Variants in CPSF7 observed in about 807,000 individuals in gnomAD.
The protein encoded by CPSF7 is cleavage and polyadenylation specificity factor subunit 7.
CPSF7 carries 1 observed loss-of-function variant against 44.3 expected under a neutral mutation model. The ratio of observed to expected loss-of-function variants is 0.02; its 90% CI spans 0.01 to 0.11. The LOEUF (loss-of-function observed/expected upper bound fraction) is 0.11, where lower values mean the gene tolerates loss of function less well. Among genes scored for constraint, CPSF7 ranks in the 10% least tolerant of loss-of-function variants. The pLI, the probability that CPSF7 is intolerant of heterozygous loss-of-function variation, is 1.00. For missense variants in CPSF7, 443 were observed against 607.2 expected, an observed-to-expected ratio of 0.73 and a Z score of 2.84; for synonymous variants, 202 against 222.0, an observed-to-expected ratio of 0.91 and a Z score of 0.80.
intron 7 of CPSF7, among the ~76,000 whole-genome samples, chr11:61,412,390 C>A (rs562756002): frequency 6.6e-6 from 1 of 151,664 alleles, no homozygotes; most frequent in African/African-American, 2.4e-5. Flanking sequence ...CCCAGGTTCA[C>A]GCCATCCTCC....
intron 7 of CPSF7, among the ~76,000 whole-genome samples, chr11:61,412,397 C>A (rs1859935605): frequency 6.6e-6 from 1 of 151,994 alleles, no homozygotes; most frequent in African/African-American, 2.4e-5. Context: ...TCACGCCATC[C>A]TCCTGCCTCA....
chr11:61,415,875 G>A, intron 6 of CPSF7, 91 bp from the exon 7 acceptor site: 1 of 1,016,338 alleles, frequency 9.8e-7, no homozygotes, highest in South Asian at 1.4e-5. Context: ...GCATAACACA[G>A]AACAATGCTA....
intron 7 of CPSF7, among the ~76,000 whole-genome samples, chr11:61,415,102 G>C (rs1209694426): frequency 6.6e-6 from 1 of 152,180 alleles, no homozygotes; most frequent in African/African-American, 2.4e-5. Flanking sequence ...GCCGGGCGTG[G>C]TGGCAAGTGC....
intron 7 of CPSF7, 112 bp from the exon 8 acceptor site, chr11:61,412,049 A>C: frequency 1.2e-6 from 1 of 862,434 alleles, no homozygotes; most frequent in African/African-American, 1.7e-5. Flanking sequence ...GTCCCAAACA[A>C]CCGCGGTAAA....
intron 2 of CPSF7, chr11:61,427,025 T>TC: frequency 9.4e-5 from 2 of 21,200 alleles, no homozygotes; most frequent in Non-Finnish European, 1.5e-4. Context: ...AGACTCTGTC[T>TC]CAAAAAAAAA....
At chr11:61,409,784 G>C (rs1395194626) in intron 9 of CPSF7, among the ~76,000 whole-genome samples, 1 of 151,876 alleles carries the variant, frequency 6.6e-6, no homozygotes, top group Non-Finnish European at 1.5e-5. Flanking sequence ...GGCCAACCTG[G>C]CCAGTATGGT....
intron 3 of CPSF7, 114 bp from the exon 4 acceptor site, chr11:61,420,687 G>T: frequency 1.3e-6 from 1 of 766,290 alleles, no homozygotes; most frequent in Non-Finnish European, 2.2e-6. Context: ...AAACTCAAAA[G>T]CCTGGCAATA....
At chr11:61,417,652 G>A (rs1860465014) in intron 5 of CPSF7, among the ~76,000 whole-genome samples, 1 of 152,210 alleles carries the variant, frequency 6.6e-6, no homozygotes, top group South Asian at 2.1e-4. Context: ...TGCCAGTGCT[G>A]TCTTGTTCTT....
chr11:61,414,812 T>C (rs1292715633), intron 7 of CPSF7, among the ~76,000 whole-genome samples: 6 of 152,218 alleles, frequency 3.9e-5, no homozygotes, highest in African/African-American at 9.6e-5. Context: ...CACTTAATAA[T>C]GAGAGCAGGG....
At chr11:61,418,961 G>A (rs1213861040) in intron 5 of CPSF7, among the ~76,000 whole-genome samples, 1 of 151,156 alleles carries the variant, frequency 6.6e-6, no homozygotes, top group African/African-American at 2.4e-5. Flanking sequence ...TCAGGTATCT[G>A]CCCGCCTCAG....
At chr11:61,429,806 C>G in intron 1 of CPSF7, 108 bp downstream of exon 1, 1 of 1,548,574 alleles carries the variant, frequency 6.5e-7, no homozygotes, top group Middle Eastern at 1.7e-4. Flanking sequence ...CGACTCCCTC[C>G]GCCCGCAGAC....
At chr11:61,427,087 G>A (rs1027657170) in intron 2 of CPSF7, 2 of 150,430 alleles carry the variant, frequency 1.3e-5, no homozygotes, top group South Asian at 2.1e-4. Context: ...TTATCTTGGT[G>A]GGGGAAAAAC....
At chr11:61,405,997 A>T (rs1362818779) in intron 9 of CPSF7, 1 of 152,236 alleles carries the variant, frequency 6.6e-6, no homozygotes, top group Non-Finnish European at 1.5e-5. Context: ...TCAATGGATA[A>T]CGAGGACAGG....
In CPSF7 at chr11:61,419,995, C is replaced by T. The variant is rs1340481865; in HGVS notation, c.477G>A (p.Pro159=). 3.1e-6 allele frequency: 5 copies of T among 1,614,186 alleles called. No homozygotes were observed. The highest frequency in any genetic ancestry group is 2.2e-5 in the East Asian group (1 of 44,878). The stretch of plus-strand genomic sequence containing the variant: ...ACTGTGACAGGTTCTGCCGGGTGGC[C>T]GGCCTCACGTCCACTTTTTCTCCAT... ...VLNGEKVDVR[P]ATRQNLSQFE... is the part of the protein sequence containing the mutation. Residue 159 remains proline (P), a synonymous_variant, in exon 5 of 10, where the codon CCG becomes CCA. Transcript: ENST00000439958.
At chr11:61,406,965 C>A (rs1163700735) in intron 9 of CPSF7, among the ~76,000 whole-genome samples, 2 of 152,122 alleles carry the variant, frequency 1.3e-5, no homozygotes, top group Admixed American at 1.3e-4. Flanking sequence ...CTGGTAGAGA[C>A]GAGTGTTTTG....
chr11:61,429,105 T>C lies in CPSF7; in HGVS notation c.54+77A>G, dbSNP rs571333773. ...GTTCAAGCCTAGGACTGGTACAGCT[T>C]GAAACCACTGCCAGTTTGCTGAAAA... On this transcript the variant is annotated intron_variant, in intron 2 of 9. Coordinates refer to ENST00000439958, the MANE Select transcript of CPSF7 (RefSeq NM_001142565.3). The C allele has an allele frequency of 4.5e-5, 40 of 894,220 alleles. No individual in the cohort carries two copies. In the East Asian group the frequency reaches 9.4e-4, roughly 21 times the overall value. 55.4% of individuals were successfully genotyped at this position (894,220 alleles called of 1,614,324 possible). A position where few individuals can be genotyped will look rare whatever the true frequency, so the allele number is the denominator to read the frequency against.
intron 1 of CPSF7, chr11:61,429,593 A>T: frequency 1.3e-6 from 1 of 755,972 alleles, no homozygotes; most frequent in Admixed American, 3.0e-5. Flanking sequence ...GTTGCGAAGA[A>T]TGACCGCGGC....
At chr11:61,419,883 C>T (rs1860704178) in intron 5 of CPSF7, 66 bp downstream of exon 5, 1 of 1,585,390 alleles carries the variant, frequency 6.3e-7, no homozygotes, top group Non-Finnish European at 8.6e-7. Flanking sequence ...AAAACAAACC[C>T]ACAAACACCC....
rs537915518 is a variant in CPSF7 at position 61,416,170 on chromosome 11, G to A, written c.873C>T (p.Asn291=). ...TATCTGGTGGAGGCCCCACTGTAGC[G>A]TTTGGTGGGGGGAAGAAGGCTGGAT... ...HLNPAFFPPP[N]ATVGPPPDTY... Residue 291 remains asparagine (N), a synonymous_variant, in exon 6 of 10, where the codon AAC becomes AAT. Transcript: ENST00000439958. 10 of 1,517,514 alleles carry A rather than the reference G, an allele frequency of 6.6e-6. No homozygotes were observed. The highest frequency in any genetic ancestry group is 4.6e-5 in the East Asian group (2 of 43,728). The allele number at this position is 1,517,514 out of a possible 1,614,324, so 94.0% of individuals were successfully genotyped here.
Sources: gnomAD v4.1 joint callset for allele counts (sites outside exome capture counted in the v4.1 genomes callset) on GRCh38, gnomAD v4.1.1 for gene constraint, MANE v1.5 for transcripts, NCBI Gene and HGNC (gene_info 2026-07-23, HGNC 2026-07-21) for gene names.